Variants in KAZN observed in about 807,000 individuals in gnomAD.
The protein encoded by KAZN is kazrin.
In KAZN, 40 loss-of-function variants were observed where a neutral mutation model predicts 87.4. The observed-to-expected ratio is 0.46, with a 90% CI of 0.36 to 0.60. The LOEUF (loss-of-function observed/expected upper bound fraction) is 0.60. Among genes scored for constraint, KAZN ranks in the 20% least tolerant of loss-of-function variants. The pLI is 0.00. For synonymous variants in KAZN, 466 were observed against 458.3 expected, an observed-to-expected ratio of 1.02 and a Z score of -0.22; for missense variants, 898 against 1,073.9, an observed-to-expected ratio of 0.84 and a Z score of 2.29.
chr1:14,906,091 C>T (rs1366686327), intron 1 of KAZN, among the ~76,000 whole-genome samples: 2 of 151,032 alleles, frequency 1.3e-5, no homozygotes, highest in African/African-American at 2.4e-5. Context: ...CACTTGAACC[C>T]GGTAGGCGGG....
chr1:14,793,859 G>A (rs769332880), intron 1 of KAZN, among the ~76,000 whole-genome samples: 7 of 152,154 alleles, frequency 4.6e-5, no homozygotes, highest in South Asian at 2.1e-4. Flanking sequence ...TGTGCCTTCC[G>A]GGTGGCTCCT....
chr1:14,767,597 T>C (rs1644918346), intron 1 of KAZN, among the ~76,000 whole-genome samples: 1 of 152,234 alleles, frequency 6.6e-6, no homozygotes, highest in Non-Finnish European at 1.5e-5. Context: ...AGAGCTGGAC[T>C]TGGAAGCCTG....
chr1:14,489,613 A>G (rs549627522), intron 2 of KAZN, among the ~76,000 whole-genome samples: 1 of 152,044 alleles, frequency 6.6e-6, no homozygotes, highest in Admixed American at 6.5e-5. Flanking sequence ...ACATGCCTGT[A>G]ATCCCAGCTA....
chr1:14,863,890 C>T (rs968137085), intron 1 of KAZN, among the ~76,000 whole-genome samples: 2 of 152,112 alleles, frequency 1.3e-5, no homozygotes, highest in Admixed American at 6.5e-5. Flanking sequence ...GCAGTGTGTT[C>T]GGGAGGAGTC....
chr1:14,514,598 TATATATATATATATATA>T (rs1671191693), intron 2 of KAZN, among the ~76,000 whole-genome samples: 3 of 30,874 alleles, frequency 9.7e-5, no homozygotes, highest in Non-Finnish European at 1.5e-4. Context: ...TTATATTTTA[TATATATATATATATATA>T]TATATATATA....
chr1:14,244,668 T>C (rs1170508244), intron 2 of KAZN, among the ~76,000 whole-genome samples: 3 of 151,882 alleles, frequency 2.0e-5, no homozygotes, highest in East Asian at 1.9e-4. Context: ...TTTGGGGATC[T>C]TGGGGGAGGA....
At chr1:14,297,587 CTGGGACTCTGCTGA>C (rs2100767485) in intron 2 of KAZN, among the ~76,000 whole-genome samples, 1 of 152,142 alleles carries the variant, frequency 6.6e-6, no homozygotes, top group Admixed American at 6.5e-5. Context: ...ATTTTCCCTG[CTGGGACTCTGCTGA>C]CGGATGGATG....
chr1:14,851,214 G>A (rs78593891), intron 1 of KAZN, among the ~76,000 whole-genome samples: 4,550 of 152,266 alleles, frequency 0.03, 99 homozygotes, highest in Non-Finnish European at 0.051. Context: ...AGCCATCTAG[G>A]TGGGTCCCTG....
chr1:15,097,066 C>T (rs1199077673), intron 10 of KAZN, among the ~76,000 whole-genome samples: 2 of 152,216 alleles, frequency 1.3e-5, no homozygotes, highest in African/African-American at 4.8e-5. Flanking sequence ...TCTGGCCTGT[C>T]TCCAGTTTGC....
chr1:14,759,946 C>G (rs111970787), intron 1 of KAZN, among the ~76,000 whole-genome samples: 1 of 152,082 alleles, frequency 6.6e-6, no homozygotes, highest in Non-Finnish European at 1.5e-5. Flanking sequence ...TCCCGGCCTC[C>G]GAGAACTTAA....
At chr1:14,028,442 G>C (rs532303341) in intron 1 of KAZN, among the ~76,000 whole-genome samples, 1 of 152,258 alleles carries the variant, frequency 6.6e-6, no homozygotes, top group South Asian at 2.1e-4. Context: ...TAACCAGCCA[G>C]CCAGCCGGAT....
chr1:14,991,673 C>T (rs1667371722), intron 2 of KAZN, among the ~76,000 whole-genome samples: 1 of 152,162 alleles, frequency 6.6e-6, no homozygotes, highest in South Asian at 2.1e-4. Context: ...CACCTGAGCC[C>T]AAGGCTGGAG....
At chr1:14,633,951 A>G (rs934786345) in intron 1 of KAZN, among the ~76,000 whole-genome samples, 6 of 152,076 alleles carry the variant, frequency 3.9e-5, no homozygotes, top group Admixed American at 6.6e-5. Flanking sequence ...AATTGCTTAC[A>G]ATAGAACCTG....
chr1:14,832,722 A>G (rs1348393354), intron 1 of KAZN, among the ~76,000 whole-genome samples: 1 of 152,230 alleles, frequency 6.6e-6, no homozygotes, highest in East Asian at 1.9e-4. Context: ...TGGGTTGGAC[A>G]AGTATGGTCT....
intron 3 of KAZN, among the ~76,000 whole-genome samples, chr1:15,037,334 C>T (rs1329682589): frequency 3.3e-5 from 5 of 152,200 alleles, no homozygotes; most frequent in Admixed American, 3.3e-4. Flanking sequence ...TTCTACTTGT[C>T]CCCTGAGCCA....
chr1:14,128,742 C>T lies in KAZN; in HGVS notation c.92-51693C>T, dbSNP rs145128421. ...GGGGTGAGGAGGGACATATTCCAGCCCATAATAGGTGTCCTCACTGTTTAT... is the reference window on the plus strand; with the variant it reads ...GGGGTGAGGAGGGACATATTCCAGCTCATAATAGGTGTCCTCACTGTTTAT... On this transcript the variant is annotated intron_variant, in intron 1 of 16. Coordinates refer to the KAZN transcript ENST00000636203. Among the ~76,000 whole-genome samples, 3 of 152,208 alleles carry T rather than the reference C, an allele frequency of 2.0e-5. No homozygotes were observed. The East Asian group carries it at 5.8e-4, about 29-fold the overall frequency.
At chr1:14,691,643 C>T (rs550657663) in intron 1 of KAZN, among the ~76,000 whole-genome samples, 3 of 152,194 alleles carry the variant, frequency 2.0e-5, no homozygotes, top group South Asian at 2.1e-4. Context: ...CACACCACCA[C>T]GCCCAGCTAC....
chr1:15,088,564 T>C (rs1357430285), intron 8 of KAZN, among the ~76,000 whole-genome samples: 3 of 152,192 alleles, frequency 2.0e-5, no homozygotes, highest in African/African-American at 2.4e-5. Context: ...CTGAGCAGCC[T>C]GGCCATCAAC....
At chr1:15,046,494 A>C (rs1241546028) in intron 4 of KAZN, among the ~76,000 whole-genome samples, 4 of 152,024 alleles carry the variant, frequency 2.6e-5, no homozygotes, top group African/African-American at 9.7e-5. Flanking sequence ...AGACCCACGC[A>C]CCCATGCCGT....
Sources: gnomAD v4.1 joint callset for allele counts (sites outside exome capture counted in the v4.1 genomes callset) on GRCh38, gnomAD v4.1.1 for gene constraint, MANE v1.5 for transcripts, NCBI Gene and HGNC (gene_info 2026-07-23, HGNC 2026-07-21) for gene names.